MAD1L1: variants seen among roughly 807,000 people sequenced by gnomAD.
The protein encoded by MAD1L1 is mitotic spindle assembly checkpoint protein MAD1.
A neutral mutation model predicts 96.9 loss-of-function variants in MAD1L1; 95 were observed. That is an observed-to-expected ratio of 0.98 (90% CI 0.83 to 1.16). The LOEUF (loss-of-function observed/expected upper bound fraction) is 1.16, where lower values mean the gene tolerates loss of function less well. MAD1L1 is among the 50% of genes most tolerant of loss of function. The probability of loss-of-function intolerance (pLI) is 0.00; values close to 1 mark genes in which losing one functional copy is unlikely to be tolerated. For synonymous variants in MAD1L1, 473 were observed against 396.6 expected (o/e 1.19, Z -2.29); for missense variants, 1,007 against 954.4 (o/e 1.06, Z -0.73).
At chr7:2,006,050 G>A (rs1366509063) in intron 13 of MAD1L1, among the ~76,000 whole-genome samples, 2 of 152,072 alleles carry the variant, frequency 1.3e-5, no homozygotes, top group African/African-American at 4.8e-5. Context: ...GAGGCAGGAG[G>A]GAGCTCAGGT....
intron 18 of MAD1L1, among the ~76,000 whole-genome samples, chr7:1,825,695 C>T (rs185427468): frequency 2.0e-5 from 3 of 152,236 alleles, no homozygotes; most frequent in Non-Finnish European, 4.4e-5. Flanking sequence ...CGAGCCTCCA[C>T]GGCCAGGGCT....
intron 18 of MAD1L1, among the ~76,000 whole-genome samples, chr7:1,873,904 G>C (rs1422091326): frequency 6.6e-6 from 1 of 152,212 alleles, no homozygotes; most frequent in Non-Finnish European, 1.5e-5. Context: ...AGCCCATCAA[G>C]TCGGCACCAG....
intron 18 of MAD1L1, among the ~76,000 whole-genome samples, chr7:1,851,420 C>A (rs1435601563): frequency 6.6e-6 from 1 of 152,200 alleles, no homozygotes; most frequent in Non-Finnish European, 1.5e-5. Flanking sequence ...ACAGCTCAGA[C>A]CTCGAACGTG....
intron 10 of MAD1L1, among the ~76,000 whole-genome samples, chr7:2,151,922 G>A (rs1041555233): frequency 2.0e-5 from 3 of 152,192 alleles, no homozygotes; most frequent in African/African-American, 7.2e-5. Flanking sequence ...GGCCACAGGA[G>A]AAACCTGAGT....
At chr7:1,916,038 T>C (rs1251542688) in intron 17 of MAD1L1, among the ~76,000 whole-genome samples, 1 of 152,182 alleles carries the variant, frequency 6.6e-6, no homozygotes, top group Non-Finnish European at 1.5e-5. Flanking sequence ...TAGGAGAGGC[T>C]AACAAGCCAC....
intron 18 of MAD1L1, among the ~76,000 whole-genome samples, chr7:1,878,346 C>A (rs1785493263): frequency 6.6e-6 from 1 of 152,018 alleles, no homozygotes; most frequent in South Asian, 2.1e-4. Context: ...CCAAGGCAAA[C>A]AAACACATTA....
intron 14 of MAD1L1, among the ~76,000 whole-genome samples, chr7:1,982,756 A>C (rs1583990844): frequency 6.6e-6 from 1 of 152,194 alleles, no homozygotes; most frequent in South Asian, 2.1e-4. Flanking sequence ...CACAGTTGTG[A>C]TACTGGACAT....
chr7:2,210,477 AGCCC>A (rs1792871239), intron 10 of MAD1L1, among the ~76,000 whole-genome samples: 1 of 107,558 alleles, frequency 9.3e-6, no homozygotes, highest in Non-Finnish European at 2.2e-5. Context: ...CGGGACCGCC[AGCCC>A]GCATTCCCGT....
At chr7:2,002,720 G>A (rs879706244) in intron 13 of MAD1L1, among the ~76,000 whole-genome samples, 2 of 152,142 alleles carry the variant, frequency 1.3e-5, no homozygotes, top group African/African-American at 4.8e-5. Flanking sequence ...AAAGCCAGCC[G>A]CCTCCTCCTA....
intron 13 of MAD1L1, 131 bp from the exon 14 acceptor site, chr7:2,002,252 A>C (rs4721296): frequency 1 from 884,196 of 887,974 alleles, 440,295 homozygotes; most frequent in East Asian, 1. Context: ...AGGAGCTGGG[A>C]AGTGGGCAGC....
chr7:2,145,871 C>T (rs1347348689), intron 11 of MAD1L1, among the ~76,000 whole-genome samples: 1 of 152,218 alleles, frequency 6.6e-6, no homozygotes, highest in Non-Finnish European at 1.5e-5. Flanking sequence ...GGAGCCCGAC[C>T]CACAGGACCT....
rs540307597 is a variant in MAD1L1 at position 1,900,430 on chromosome 7, G to A, written c.1808-2040C>T. ...CTGATTCAGCCCTCGCCCCAACCTG[G>A]CCTCCTCCCTCCGTTGCTGGCAAAG... is the stretch of plus-strand genomic sequence containing the variant. On this transcript the variant is annotated intron_variant, in intron 17 of 18. Coordinates refer to ENST00000265854, the MANE Select transcript of MAD1L1 (RefSeq NM_001013836.2). Among the ~76,000 whole-genome samples, 3 of 152,296 alleles carry A rather than the reference G, an allele frequency of 2.0e-5. No homozygotes were observed. In the South Asian group the frequency reaches 6.2e-4, roughly 32 times the overall value.
intron 12 of MAD1L1, among the ~76,000 whole-genome samples, chr7:2,018,667 C>A (rs1418690112): frequency 6.6e-6 from 1 of 152,182 alleles, no homozygotes; most frequent in Non-Finnish European, 1.5e-5. Flanking sequence ...CCAGCACCAA[C>A]CCCCACTTTC....
intron 17 of MAD1L1, among the ~76,000 whole-genome samples, chr7:1,915,692 G>C (rs1362575195): frequency 6.6e-6 from 1 of 152,266 alleles, no homozygotes; most frequent in Non-Finnish European, 1.5e-5. Context: ...CAAAAAGCAA[G>C]TGAAAGCAAC....
intron 16 of MAD1L1, among the ~76,000 whole-genome samples, chr7:1,941,665 G>A (rs1779005285): frequency 6.6e-6 from 1 of 152,246 alleles, no homozygotes; most frequent in Admixed American, 6.5e-5. Context: ...GCCACAGTGT[G>A]AGGCCAAGGT....
chr7:2,165,509 C>T (rs948012252), intron 10 of MAD1L1, among the ~76,000 whole-genome samples: 3 of 131,476 alleles, frequency 2.3e-5, no homozygotes, highest in Non-Finnish European at 5.0e-5. Context: ...CTGCCTGCCG[C>T]ACTCCAGCCA....
chr7:2,167,350 A>G (rs964996779), intron 10 of MAD1L1, among the ~76,000 whole-genome samples: 2 of 151,394 alleles, frequency 1.3e-5, no homozygotes, highest in Non-Finnish European at 2.9e-5. Context: ...GATAGAGACC[A>G]TCCTGGCTAA....
intron 11 of MAD1L1, among the ~76,000 whole-genome samples, chr7:2,128,454 C>T (rs555867033): frequency 1.1e-3 from 165 of 152,240 alleles, no homozygotes; most frequent in African/African-American, 3.9e-3. Flanking sequence ...TCACAAAAAG[C>T]ACAGAACACG....
intron 12 of MAD1L1, among the ~76,000 whole-genome samples, chr7:2,058,206 G>A (rs1329232104): frequency 1.6e-4 from 4 of 25,492 alleles, no homozygotes; most frequent in East Asian, 1.1e-3. Context: ...GAGAGGCGCG[G>A]GGCTGGAGAG....
Sources: allele counts gnomAD v4.1 joint callset (sites outside exome capture counted in the v4.1 genomes callset), GRCh38; gene constraint gnomAD v4.1.1; transcripts MANE v1.5; gene names NCBI Gene and HGNC (gene_info 2026-07-23, HGNC 2026-07-21).